TULP4: variants seen among roughly 807,000 people sequenced by gnomAD.
The protein encoded by TULP4 is TUB like protein 4, also known as tubby-related protein 4.
A neutral mutation model predicts 129.0 loss-of-function variants in TULP4; 16 were observed. That is an observed-to-expected ratio of 0.12 (90% confidence interval 0.08 to 0.19). The LOEUF is 0.19. Among genes scored for constraint, TULP4 ranks in the 10% least tolerant of loss-of-function variants. The pLI, the probability that TULP4 is intolerant of heterozygous loss-of-function variation, is 1.00. For missense variants in TULP4, 1,842 were observed against 2,059.1 expected (o/e 0.89, Z 2.04); for synonymous variants, 998 against 854.0 (o/e 1.17, Z -2.94).
At chr6:158,373,631 G>A (rs538863395) in intron 1 of TULP4, among the ~76,000 whole-genome samples, 1 of 152,312 alleles carries the variant, frequency 6.6e-6, no homozygotes, top group Non-Finnish European at 1.5e-5. Context: ...GGATTAAACA[G>A]GTTATGGTGA....
intron 1 of TULP4, among the ~76,000 whole-genome samples, chr6:158,233,052 G>A (rs1388114007): frequency 6.6e-6 from 1 of 152,258 alleles, no homozygotes; most frequent in Non-Finnish European, 1.5e-5. Flanking sequence ...GGGGCAATTA[G>A]CTGGGAGGTG....
At chr6:158,242,430 T>G (rs1777941530) in intron 1 of TULP4, 1 of 1,121,046 alleles carries the variant, frequency 8.9e-7, no homozygotes, top group Non-Finnish European at 1.4e-6. Flanking sequence ...GAGATCTCTT[T>G]ATGCCACTAA....
At chr6:158,257,654 T>G (rs953053430) in intron 1 of TULP4, among the ~76,000 whole-genome samples, 6 of 152,200 alleles carry the variant, frequency 3.9e-5, no homozygotes, top group Non-Finnish European at 1.5e-5. Flanking sequence ...AGGAGTTGAT[T>G]AGGTGAATGG....
chr6:158,318,117 ACT>A (rs1206942156), intron 1 of TULP4, among the ~76,000 whole-genome samples: 4 of 151,978 alleles, frequency 2.6e-5, no homozygotes, highest in African/African-American at 9.7e-5. Flanking sequence ...TTGCCTGTTC[ACT>A]CTGATGCATT....
chr6:158,419,870 A>G (rs1387662308), intron 2 of TULP4, among the ~76,000 whole-genome samples: 1 of 152,244 alleles, frequency 6.6e-6, no homozygotes, highest in Non-Finnish European at 1.5e-5. Context: ...ATCCATTGAC[A>G]TACTCAGACA....
rs902864617 is a variant in TULP4 at position 158,313,237 on chromosome 6, G to C, written c.-780G>C. On this transcript the variant is annotated 5_prime_UTR_variant, in exon 1 of 14. Coordinates refer to ENST00000367097, the MANE Select transcript of TULP4 (RefSeq NM_020245.5). The stretch of plus-strand genomic sequence containing the variant: ...GCACTGAGGGGTGCGCCGGCTGGTG[G>C]AGGAGCAGTCCGATGGAGCCCTGCG... 5 of 361,500 alleles carry C rather than the reference G, an allele frequency of 1.4e-5. No individual in the cohort carries two copies. Among genetic ancestry groups the C allele is most frequent in the Non-Finnish European group, 2.0e-5 (4 of 203,786 alleles). 22.4% of individuals were successfully genotyped at this position (361,500 alleles called of 1,614,324 possible). A position where few individuals can be genotyped will look rare whatever the true frequency, so the allele number is the denominator to read the frequency against.
chr6:158,471,095 G>A (rs972849999), intron 6 of TULP4, among the ~76,000 whole-genome samples: 12 of 152,322 alleles, frequency 7.9e-5, no homozygotes, highest in African/African-American at 2.4e-4. Flanking sequence ...GCAGTAGGGA[G>A]GTTTAATCTG....
intron 1 of TULP4, among the ~76,000 whole-genome samples, chr6:158,369,708 T>G (rs1487728575): frequency 2.6e-5 from 4 of 152,132 alleles, no homozygotes; most frequent in Admixed American, 2.6e-4. Flanking sequence ...TTTTAGAAAA[T>G]CTATACGTGT....
chr6:158,502,726 G>A lies in TULP4; in HGVS notation c.3063G>A (p.Gly1021=), dbSNP rs746167034. The change falls in exon 13 of 14, where the codon GGG becomes GGA. Residue 1021 remains glycine (G), a synonymous_variant. Coordinates refer to ENST00000367097, the MANE Select transcript of TULP4 (RefSeq NM_020245.5). ...CCAAGTCCAAGGGCGGGCCCGGGGGGGTGGTGACACAGCTCCCAGCGCGGC... is the reference window on the plus strand; with the variant it reads ...CCAAGTCCAAGGGCGGGCCCGGGGGAGTGGTGACACAGCTCCCAGCGCGGC... ...PLAKSKGGPG[G]VVTQLPARPP... is the part of the protein sequence containing the mutation. 4 of 1,571,022 alleles carry A rather than the reference G, an allele frequency of 2.5e-6. No individual in the cohort carries two copies. The highest frequency in any genetic ancestry group is 2.3e-5 in the East Asian group (1 of 44,328).
chr6:158,306,284 G>A (rs1779215418), intron 1 of TULP4, among the ~76,000 whole-genome samples: 5 of 152,258 alleles, frequency 3.3e-5, no homozygotes. Flanking sequence ...GCTGGGTGCT[G>A]TAGCTCATGC....
upstream of TULP4, among the ~76,000 whole-genome samples, chr6:158,309,573 C>G (rs1234558115): frequency 2.0e-5 from 3 of 152,174 alleles, no homozygotes; most frequent in African/African-American, 7.2e-5. Context: ...AAGCCGAGAT[C>G]ATGCCACTGC....
intron 6 of TULP4, among the ~76,000 whole-genome samples, chr6:158,476,614 G>A (rs771880569): frequency 3.9e-5 from 6 of 152,188 alleles, no homozygotes; most frequent in South Asian, 4.2e-4. Flanking sequence ...AATTACCTGT[G>A]GGCTCTCTTC....
chr6:158,423,134 G>A (rs1319165741), intron 2 of TULP4, among the ~76,000 whole-genome samples: 3 of 145,084 alleles, frequency 2.1e-5, no homozygotes, highest in African/African-American at 5.3e-5. Flanking sequence ...GGGGGGGGGG[G>A]GAAAGAAACC....
intron 1 of TULP4, among the ~76,000 whole-genome samples, chr6:158,391,532 C>G (rs1022920305): frequency 6.6e-6 from 1 of 152,170 alleles, no homozygotes; most frequent in Non-Finnish European, 1.5e-5. Flanking sequence ...GTATTTTTCT[C>G]TTAGCAGTGA....
intron 1 of TULP4, among the ~76,000 whole-genome samples, chr6:158,233,901 G>C (rs1745453723): frequency 1.3e-5 from 2 of 152,160 alleles, no homozygotes; most frequent in African/African-American, 4.8e-5. Context: ...GGAAGTAGCA[G>C]GTTTATTTAT....
chr6:158,501,726 A>G lies in TULP4; in HGVS notation c.2063A>G (p.Asn688Ser). The stretch of plus-strand genomic sequence containing the variant: ...GAGAACAGCCCACCTTGTACCGTGA[A>G]CATCCCTATTGCACCGATCCACAGC... The part of the protein sequence containing the change: ...VPENSPPCTV[N>S]IPIAPIHSSA... The change falls in exon 13 of 14, where the codon AAC becomes AGC. Residue 688 changes from asparagine (N) to serine (S), a missense_variant. This residue lies in a region of TULP4 where 99 missense variants were observed against 165.1 expected (regional missense o/e 0.60). Coordinates refer to ENST00000367097, the MANE Select transcript of TULP4 (RefSeq NM_020245.5). The G allele has an allele frequency of 3.1e-6, 5 of 1,614,008 alleles. No individual in the cohort carries two copies. The highest frequency in any genetic ancestry group is 4.2e-6 in the Non-Finnish European group (5 of 1,179,922).
In TULP4 at chr6:158,236,795, C is replaced by CTTTTTTTTTT. The variant is rs71030149; in HGVS notation, n.68+4519_68+4528dup. 2.3e-3 allele frequency among the ~76,000 whole-genome samples: 145 copies of CTTTTTTTTTT among 63,266 alleles called. 26 individuals carry two copies. Among genetic ancestry groups the CTTTTTTTTTT allele is most frequent in the East Asian group, 3.6e-3 (11 of 3,074 alleles). The allele number at this position is 63,266 out of a possible 152,430, so 41.5% of individuals were successfully genotyped here. A position where few individuals can be genotyped will look rare whatever the true frequency, so the allele number is the denominator to read the frequency against. ...AGATGGGTAAATGCCCAATTCTTTTCTTTTTTTTTTTTTTTTTTTTTTTTT... is the reference window on the plus strand; with the variant it reads ...AGATGGGTAAATGCCCAATTCTTTTCTTTTTTTTTTTTTTTTTTTTTTTTTTTTTTTTTTT... On this transcript the variant is annotated intron_variant and non_coding_transcript_variant, in intron 1 of 1. Coordinates refer to the TULP4 transcript ENST00000620026.
Position 158,370,457 on chromosome 6 carries a change from C to CAAAAAA in TULP4, c.253-42587_253-42582dup, listed in dbSNP as rs533005080. ...GGACAACAAGAACAAAACTCCATCT[C>CAAAAAA]AAAAAAAAAAAAAAAAAAAAAAAAA... On this transcript the variant is annotated intron_variant, in intron 1 of 13. Coordinates refer to ENST00000367097, the MANE Select transcript of TULP4 (RefSeq NM_020245.5). 1.0e-4 allele frequency among the ~76,000 whole-genome samples: 3 copies of CAAAAAA among 28,896 alleles called. 1 individual carries two copies. The highest frequency in any genetic ancestry group is 3.0e-4 in the African/African-American group (2 of 6,560). 19.0% of individuals were successfully genotyped at this position (28,896 alleles called of 152,430 possible).
chr6:158,284,555 G>T (rs1778806340), intron 1 of TULP4, among the ~76,000 whole-genome samples: 1 of 152,238 alleles, frequency 6.6e-6, no homozygotes, highest in East Asian at 1.9e-4. Flanking sequence ...CGTGCCATCT[G>T]CTTGATTCGT....
Sources: gnomAD v4.1 joint callset for allele counts (sites outside exome capture counted in the v4.1 genomes callset) on GRCh38, gnomAD v4.1.1 for gene constraint, gnomAD v4.1.1 regional missense constraint, MANE v1.5 for transcripts, NCBI Gene and HGNC (gene_info 2026-07-23, HGNC 2026-07-21) for gene names.